DGKI: variants seen among roughly 807,000 people sequenced by gnomAD.
The protein encoded by DGKI is DAG kinase iota.
In DGKI, 55 loss-of-function variants were observed where a neutral mutation model predicts 147.5. That is an observed-to-expected ratio of 0.37 (90% CI 0.30 to 0.47). The LOEUF is 0.47. DGKI is among the 20% of genes least tolerant of loss of function. The pLI is 1.00. For synonymous variants in DGKI, 469 were observed against 477.1 expected, an observed-to-expected ratio of 0.98 and a Z score of 0.22; for missense variants, 1,007 against 1,323.8, an observed-to-expected ratio of 0.76 and a Z score of 3.71.
intron 1 of DGKI, among the ~76,000 whole-genome samples, chr7:137,759,322 C>T (rs149830745): frequency 2.4e-3 from 371 of 151,876 alleles, no homozygotes; most frequent in Admixed American, 4.7e-3. Flanking sequence ...TTTTCTATGG[C>T]TGCTCTACAT....
chr7:137,546,930 G>A (rs1370289943), intron 20 of DGKI, among the ~76,000 whole-genome samples: 1 of 152,182 alleles, frequency 6.6e-6, no homozygotes. Context: ...GATGGAATTC[G>A]ATTGCTCAAT....
chr7:137,623,979 AGAAAT>A (rs1820844500), intron 6 of DGKI, among the ~76,000 whole-genome samples: 1 of 152,128 alleles, frequency 6.6e-6, no homozygotes, highest in African/African-American at 2.4e-5. Flanking sequence ...AAAAAAAAAA[AGAAAT>A]GAAATATCAG....
At position 137,678,583 on chromosome 7, in the gene DGKI, C is replaced by G; in HGVS notation, c.580G>C (p.Glu194Gln). The G allele has an allele frequency of 1.2e-6, 2 of 1,614,140 alleles. No homozygotes were observed. The highest frequency in any genetic ancestry group is 1.7e-6 in the Non-Finnish European group (2 of 1,180,006). The change falls in exon 3 of 33, where the codon GAG (glutamate) becomes CAG (glutamine). Residue 194 changes from glutamate (E) to glutamine (Q), a missense_variant. Physicochemically the swap from Glu to Gln is conservative, Grantham distance 29. Transcript: ENST00000614521. ...GCAAATCTGACTTGGCAGTTCTCCT[C>G]TCCAAGGTAGCAGAGGTCTCCCGAG... ...NVSGDLCYLG[E>Q]ENCQVRFAKS...
intron 1 of DGKI, among the ~76,000 whole-genome samples, chr7:137,807,713 G>A (rs1797425341): frequency 6.6e-6 from 1 of 152,164 alleles, no homozygotes; most frequent in African/African-American, 2.4e-5. Context: ...CTAGAAACTG[G>A]AAAAAATAAT....
At chr7:137,560,569 C>T (rs1486523094) in intron 19 of DGKI, among the ~76,000 whole-genome samples, 2 of 148,664 alleles carry the variant, frequency 1.3e-5, no homozygotes, top group East Asian at 3.9e-4. Flanking sequence ...CCACACAAAC[C>T]TCATGGAGCA....
intron 17 of DGKI, among the ~76,000 whole-genome samples, chr7:137,573,897 T>C (rs1818878333): frequency 1.3e-5 from 2 of 152,208 alleles, no homozygotes; most frequent in Non-Finnish European, 2.9e-5. Flanking sequence ...CATTTCCCAC[T>C]GGTGACAAAA....
chr7:137,504,447 A>AAT (rs1164721774), intron 21 of DGKI, among the ~76,000 whole-genome samples: 4 of 152,132 alleles, frequency 2.6e-5, no homozygotes, highest in Non-Finnish European at 5.9e-5. Context: ...TTAAGTTTTA[A>AAT]ATATATATAT....
chr7:137,475,781 A>G (rs568364736), intron 23 of DGKI, among the ~76,000 whole-genome samples: 1 of 152,240 alleles, frequency 6.6e-6, no homozygotes, highest in South Asian at 2.1e-4. Context: ...CCAAGTTTCA[A>G]CTTCTTTTCC....
chr7:137,569,339 G>A (rs374391940), intron 19 of DGKI, among the ~76,000 whole-genome samples: 1 of 152,192 alleles, frequency 6.6e-6, no homozygotes, highest in African/African-American at 2.4e-5. Flanking sequence ...CTCAATAAAT[G>A]TTCACTCGAT....
intron 18 of DGKI, among the ~76,000 whole-genome samples, chr7:137,572,449 T>C (rs1031723935): frequency 5.3e-5 from 8 of 152,170 alleles, no homozygotes; most frequent in East Asian, 1.9e-4. Context: ...AATTCTCTCA[T>C]TCTTAGATGG....
chr7:137,389,680 T>C lies in DGKI; in HGVS notation c.*1540A>G, dbSNP rs1011988037. 1.3e-5 allele frequency: 2 copies of C among 152,140 alleles called. No individual in the cohort carries two copies. 9.4% of individuals were successfully genotyped at this position (152,140 alleles called of 1,614,324 possible). ...AGATATTTGGACAGAAAGACAGACA[T>C]TTTCTTCTGATATTTTAGGGATCAC... On this transcript the variant is annotated 3_prime_UTR_variant, in exon 33 of 33. Transcript: ENST00000614521.
chr7:137,590,601 G>A (rs1819573748), intron 12 of DGKI, among the ~76,000 whole-genome samples: 1 of 152,188 alleles, frequency 6.6e-6, no homozygotes, highest in Non-Finnish European at 1.5e-5. Flanking sequence ...GGAACGTTAG[G>A]GGGTTAATTC....
At chr7:137,502,379 T>C (rs1352234494) in intron 21 of DGKI, among the ~76,000 whole-genome samples, 1 of 152,132 alleles carries the variant, frequency 6.6e-6, no homozygotes, top group African/African-American at 2.4e-5. Flanking sequence ...TTGTGTGTCA[T>C]GTTGCATAGC....
chr7:137,474,879 T>C (rs764168850), intron 23 of DGKI, among the ~76,000 whole-genome samples: 2 of 152,178 alleles, frequency 1.3e-5, no homozygotes, highest in Non-Finnish European at 2.9e-5. Context: ...TGTGAGAGTG[T>C]AGGATAGTTT....
chr7:137,571,351 T>A, intron 18 of DGKI, 65 bp from the exon 19 acceptor site: 1 of 1,180,984 alleles, frequency 8.5e-7, no homozygotes, highest in Non-Finnish European at 1.2e-6. Context: ...TCATGAGGTG[T>A]TAGTTTGTAG....
intron 1 of DGKI, among the ~76,000 whole-genome samples, chr7:137,781,981 T>C (rs923276276): frequency 6.6e-6 from 1 of 152,222 alleles, no homozygotes; most frequent in Admixed American, 6.5e-5. Flanking sequence ...GAGGCAGGAA[T>C]AGCTTGCAGC....
At chr7:137,664,055 G>A (rs567055023) in intron 3 of DGKI, among the ~76,000 whole-genome samples, 2 of 152,210 alleles carry the variant, frequency 1.3e-5, no homozygotes, top group East Asian at 3.9e-4. Context: ...ACTGTTTGAG[G>A]AATGGAAGCC....
chr7:137,530,424 T>C (rs1014748321), intron 20 of DGKI, among the ~76,000 whole-genome samples: 2 of 152,146 alleles, frequency 1.3e-5, no homozygotes, highest in African/African-American at 4.8e-5. Flanking sequence ...TAATATCATC[T>C]TGCACCTAGG....
chr7:137,834,316 G>A lies in DGKI; in HGVS notation c.401+12146C>T, dbSNP rs113163488. ...ATTTCACCATCTATATATTGGGTTC[G>A]TATAACACAAGTGCTTTTGCTAAAG... On this transcript the variant is annotated intron_variant, in intron 1 of 32. Transcript: ENST00000614521. Among the ~76,000 whole-genome samples the A allele has an allele frequency of 6.8e-3, 1,028 of 152,252 alleles. 4 individuals are homozygous for A. The highest frequency in any genetic ancestry group is 0.01 in the Non-Finnish European group (687 of 68,014).
Sources: allele counts gnomAD v4.1 joint callset (sites outside exome capture counted in the v4.1 genomes callset), GRCh38; gene constraint gnomAD v4.1.1; transcripts MANE v1.5; gene names NCBI Gene and HGNC (gene_info 2026-07-23, HGNC 2026-07-21).